The following TMEM232 variants were observed in gnomAD, a reference collection of about 807,000 sequenced individuals.
The protein encoded by TMEM232 is transmembrane protein 232.
Under a neutral mutation model 78.8 loss-of-function variants are expected in TMEM232, and 80 were observed. The observed-to-expected ratio is 1.01, with a 90% CI of 0.85 to 1.22. The LOEUF (loss-of-function observed/expected upper bound fraction) is 1.22. Among genes scored for constraint, TMEM232 ranks in the 50% most tolerant of loss-of-function variants. The pLI is 0.00. For missense variants in TMEM232, 881 were observed against 742.2 expected (o/e 1.19, Z -2.17); for synonymous variants, 297 against 254.3 (o/e 1.17, Z -1.60).
At chr5:110,610,262 G>GGGAGGAAGGGAGGAAGGGAGGAAT (rs1561381254) in intron 8 of TMEM232, among the ~76,000 whole-genome samples, 1 of 149,256 alleles carries the variant, frequency 6.7e-6, no homozygotes, top group African/African-American at 2.5e-5. Flanking sequence ...AAGGGAGGAA[G>GGGAGGAAGGGAGGAAGGGAGGAAT]GGAGGAAGGT....
At position 110,519,910 on chromosome 5, in the gene TMEM232, C is replaced by G. The variant is rs115576394; in HGVS notation, c.1703+8678G>C. On this transcript the variant is annotated intron_variant, in intron 12 of 13. Coordinates refer to ENST00000455884, the MANE Select transcript of TMEM232 (RefSeq NM_001039763.4). ...ACATGTTCTCATTCATATTCAGAAGCTGAATAAATATTGAACTCATGGAGA... is the reference window on the plus strand; with the variant it reads ...ACATGTTCTCATTCATATTCAGAAGGTGAATAAATATTGAACTCATGGAGA... Among the ~76,000 whole-genome samples, 1,374 of 150,668 alleles carry G rather than the reference C, an allele frequency of 9.1e-3. 21 individuals carry two copies. Among genetic ancestry groups the G allele is most frequent in the African/African-American group, 0.032 (1,303 of 41,132 alleles).
At chr5:110,405,848 A>C (rs1755771857) in intron 2 of TMEM232, among the ~76,000 whole-genome samples, 2 of 151,844 alleles carry the variant, frequency 1.3e-5, no homozygotes, top group Admixed American at 1.3e-4. Context: ...AAAAAATAGA[A>C]CATATTTTAA....
chr5:110,577,097 T>A (rs1217961130), intron 10 of TMEM232, among the ~76,000 whole-genome samples: 2 of 151,766 alleles, frequency 1.3e-5, no homozygotes, highest in East Asian at 3.9e-4. Context: ...TAGACAATCT[T>A]GGGAATGGGA....
rs192437302 is a variant in TMEM232 at position 110,642,320 on chromosome 5, T to G, written c.177A>C (p.Gln59His). The change falls in exon 3 of 14, where the codon CAA (glutamine) becomes CAC (histidine). Residue 59 changes from glutamine to histidine, a missense_variant. By Grantham distance (24) the Gln-to-His change is conservative. Transcript: ENST00000455884. ...KEFILRFNQT[Q>H]NSKEKEELLE... Reference sequence around the variant, plus strand: ...ACAATTCTTCCTTCTCTTTGGAATTTTGTGTTTGATTGAATCTCAAGATGA... The same window carrying G: ...ACAATTCTTCCTTCTCTTTGGAATTGTGTGTTTGATTGAATCTCAAGATGA... 3.2e-6 allele frequency: 5 copies of G among 1,539,940 alleles called. No homozygotes were observed. The highest frequency in any genetic ancestry group is 4.4e-6 in the Non-Finnish European group (5 of 1,143,122).
At chr5:110,421,466 T>G (rs890048139) in intron 13 of TMEM232, among the ~76,000 whole-genome samples, 1 of 151,808 alleles carries the variant, frequency 6.6e-6, no homozygotes, top group Non-Finnish European at 1.5e-5. Flanking sequence ...TTCTAATACA[T>G]TTGATGAAGG....
intron 2 of TMEM232, among the ~76,000 whole-genome samples, chr5:110,410,045 C>T (rs1435044224): frequency 6.6e-6 from 1 of 152,174 alleles, no homozygotes; most frequent in Non-Finnish European, 1.5e-5. Context: ...GATAGAGCTT[C>T]ATCATGGGTA....
chr5:110,460,152 C>A (rs192850604), intron 12 of TMEM232, among the ~76,000 whole-genome samples: 1 of 152,044 alleles, frequency 6.6e-6, no homozygotes, highest in Non-Finnish European at 1.5e-5. Flanking sequence ...AGCATTATAT[C>A]AATTTTAATT....
intron 11 of TMEM232, among the ~76,000 whole-genome samples, chr5:110,564,298 TG>T (rs1776081665): frequency 6.6e-6 from 1 of 151,990 alleles, no homozygotes; most frequent in South Asian, 2.1e-4. Context: ...AAAAAGTGTT[TG>T]TTGGCACTTT....
At chr5:110,464,451 T>C (rs1761862325) in intron 12 of TMEM232, among the ~76,000 whole-genome samples, 1 of 152,204 alleles carries the variant, frequency 6.6e-6, no homozygotes, top group Non-Finnish European at 1.5e-5. Flanking sequence ...TCTAGACTTA[T>C]GAATGCTTCC....
At chr5:110,392,990 G>GTT (rs1336579931) in intron 3 of TMEM232, among the ~76,000 whole-genome samples, 1 of 152,140 alleles carries the variant, frequency 6.6e-6, no homozygotes, top group Non-Finnish European at 1.5e-5. Flanking sequence ...TTTCTAGATA[G>GTT]TTCTCTCTCA....
At chr5:110,719,644 G>T (rs1797386458) in intron 1 of TMEM232, among the ~76,000 whole-genome samples, 1 of 151,960 alleles carries the variant, frequency 6.6e-6, no homozygotes, top group East Asian at 1.9e-4. Context: ...GATATTGTTT[G>T]CTTATTTTGT....
At chr5:110,430,266 G>A (rs887596353) in intron 12 of TMEM232, among the ~76,000 whole-genome samples, 9 of 150,656 alleles carry the variant, frequency 6.0e-5, no homozygotes, top group East Asian at 3.9e-4. Context: ...GTTTTCTCTC[G>A]TTTAATTAGC....
In TMEM232 at chr5:110,711,740, G is replaced by A. The variant is rs1561553266; in HGVS notation, c.-13+14887C>T. ...GAAAACTGGATATCCATAAGCAAAAGAATGAAACAAGACCCTTGTCTCTTG... is the reference window on the plus strand; with the variant it reads ...GAAAACTGGATATCCATAAGCAAAAAAATGAAACAAGACCCTTGTCTCTTG... On this transcript the variant is annotated intron_variant, in intron 1 of 13. Transcript: ENST00000455884. Among the ~76,000 whole-genome samples, 5 of 152,198 alleles carry A rather than the reference G, an allele frequency of 3.3e-5. No individual in the cohort carries two copies. In the South Asian group the frequency reaches 1.0e-3, roughly 32 times the overall value.
rs1258124618 is a variant in TMEM232 at position 110,523,978 on chromosome 5, G to A, written c.1703+4610C>T. On this transcript the variant is annotated intron_variant, in intron 12 of 13. Coordinates refer to ENST00000455884, the MANE Select transcript of TMEM232 (RefSeq NM_001039763.4). ...TAAAAAAAAAAAAAGGGGGGGGGGCGGGGGGGCTGGGCCTGGTGGCTCACG... is the reference window on the plus strand; with the variant it reads ...TAAAAAAAAAAAAAGGGGGGGGGGCAGGGGGGCTGGGCCTGGTGGCTCACG... Among the ~76,000 whole-genome samples, 6 of 100,030 alleles carry A rather than the reference G, an allele frequency of 6.0e-5. 1 individual carries two copies. Among genetic ancestry groups the A allele is most frequent in the Non-Finnish European group, 1.2e-4 (6 of 48,636 alleles). The allele number at this position is 100,030 out of a possible 152,430, so 65.6% of individuals were successfully genotyped here.
intron 10 of TMEM232, among the ~76,000 whole-genome samples, chr5:110,572,958 T>A (rs1777134870): frequency 6.6e-6 from 1 of 152,110 alleles, no homozygotes; most frequent in Admixed American, 6.6e-5. Context: ...CATAAGGCAC[T>A]CTTCTGTTCT....
At chr5:110,399,970 T>C (rs1465137770) in intron 2 of TMEM232, among the ~76,000 whole-genome samples, 2 of 152,144 alleles carry the variant, frequency 1.3e-5, no homozygotes, top group Non-Finnish European at 2.9e-5. Context: ...GAGGGGTCCA[T>C]TGCGGGGTGG....
intron 3 of TMEM232, among the ~76,000 whole-genome samples, chr5:110,396,675 A>T (rs1755402611): frequency 6.6e-6 from 1 of 152,142 alleles, no homozygotes; most frequent in African/African-American, 2.4e-5. Flanking sequence ...ATATCATCTG[A>T]CTGATTTCTC....
At chr5:110,443,067 A>G (rs908847707) in intron 12 of TMEM232, among the ~76,000 whole-genome samples, 1 of 152,108 alleles carries the variant, frequency 6.6e-6, no homozygotes, top group African/African-American at 2.4e-5. Context: ...CCCAAGGCAT[A>G]CTGTAACCGC....
chr5:110,426,993 C>A (rs180848140), intron 12 of TMEM232, among the ~76,000 whole-genome samples: 644 of 152,018 alleles, frequency 4.2e-3, no homozygotes, highest in Non-Finnish European at 6.1e-3. Context: ...AGACCTTTAA[C>A]ATGGGAAAAA....
Sources: gnomAD v4.1 joint callset for allele counts (sites outside exome capture counted in the v4.1 genomes callset) on GRCh38, gnomAD v4.1.1 for gene constraint, MANE v1.5 for transcripts, NCBI Gene and HGNC (gene_info 2026-07-23, HGNC 2026-07-21) for gene names.